Variants in PDSS2 observed in about 807,000 individuals in gnomAD.
The protein encoded by PDSS2 is decaprenyl diphosphate synthase subunit 2.
PDSS2 carries 31 observed loss-of-function variants against 44.5 expected under a neutral mutation model. That is an observed-to-expected ratio of 0.70 (90% CI 0.52 to 0.94). The LOEUF is 0.94. Among genes scored for constraint, PDSS2 ranks in the 40% least tolerant of loss-of-function variants. The pLI, the probability that PDSS2 is intolerant of heterozygous loss-of-function variation, is 0.00. For missense variants in PDSS2, 452 were observed against 482.2 expected (o/e 0.94, Z 0.59); for synonymous variants, 157 against 180.3 (o/e 0.87, Z 1.03).
intron 1 of PDSS2, among the ~76,000 whole-genome samples, chr6:107,335,197 C>T (rs1406505337): frequency 2.0e-5 from 3 of 149,124 alleles, no homozygotes; most frequent in African/African-American, 4.9e-5. Context: ...GACAATCTCA[C>T]ATTTGAGGCT....
intron 1 of PDSS2, among the ~76,000 whole-genome samples, chr6:107,450,175 T>G (rs958037532): frequency 3.9e-5 from 6 of 152,210 alleles, no homozygotes; most frequent in Non-Finnish European, 8.8e-5. Flanking sequence ...GTATCAGTGG[T>G]TCATTTCTTT....
intron 3 of PDSS2, among the ~76,000 whole-genome samples, chr6:107,246,893 A>G (rs1774636266): frequency 6.6e-6 from 1 of 152,192 alleles, no homozygotes. Flanking sequence ...ATTGTCCTTC[A>G]GGTAACCAAA....
chr6:107,190,627 C>G (rs1051908679), intron 7 of PDSS2, among the ~76,000 whole-genome samples: 3 of 152,168 alleles, frequency 2.0e-5, no homozygotes, highest in South Asian at 2.1e-4. Flanking sequence ...TGGGAAACCA[C>G]AGAGGATTTG....
At chr6:107,267,879 C>T (rs1283886996) in intron 3 of PDSS2, among the ~76,000 whole-genome samples, 1 of 152,052 alleles carries the variant, frequency 6.6e-6, no homozygotes, top group East Asian at 1.9e-4. Flanking sequence ...AGGCATGAGC[C>T]ACCATGCCTG....
intron 2 of PDSS2, among the ~76,000 whole-genome samples, chr6:107,320,071 AAC>A (rs1777334112): frequency 6.6e-6 from 1 of 152,216 alleles, no homozygotes; most frequent in African/African-American, 2.4e-5. Context: ...CTTCATTGGG[AAC>A]ACAGTCGTTT....
At chr6:107,386,649 A>C (rs1779620602) in intron 1 of PDSS2, among the ~76,000 whole-genome samples, 3 of 152,218 alleles carry the variant, frequency 2.0e-5, no homozygotes, top group South Asian at 4.1e-4. Flanking sequence ...GAAGTTAAAT[A>C]ATTTGCCCCA....
chr6:107,318,245 C>T (rs956732699), intron 2 of PDSS2, among the ~76,000 whole-genome samples: 4 of 151,846 alleles, frequency 2.6e-5, no homozygotes, highest in Non-Finnish European at 5.9e-5. Context: ...TCTCCTTGAC[C>T]GCCCCGCTTC....
At chr6:107,336,825 GGTGTGTGTGTGTGTGTGTGTGTGTGT>G (rs370135734) in intron 1 of PDSS2, among the ~76,000 whole-genome samples, 113 of 106,542 alleles carry the variant, frequency 1.1e-3, no homozygotes, top group Non-Finnish European at 1.6e-3. Flanking sequence ...AGAGGTGTGT[GGTGTGTGTGTGTGTGTGTGTGTGTGT>G]GTGTGTGTGT....
chr6:107,339,606 G>A (rs2115276963), intron 1 of PDSS2, among the ~76,000 whole-genome samples: 1 of 152,290 alleles, frequency 6.6e-6, no homozygotes, highest in African/African-American at 2.4e-5. Context: ...GGGAAAAAGA[G>A]CAAGAGTGCC....
intron 1 of PDSS2, among the ~76,000 whole-genome samples, chr6:107,390,654 A>G (rs971041889): frequency 6.6e-6 from 1 of 152,150 alleles, no homozygotes. Context: ...CAAATGTAAC[A>G]TGATTATATC....
intron 4 of PDSS2, among the ~76,000 whole-genome samples, chr6:107,215,756 T>C (rs2114654087): frequency 6.6e-6 from 1 of 152,312 alleles, no homozygotes; most frequent in South Asian, 2.1e-4. Flanking sequence ...TTGTATTAAC[T>C]ATAGCTTTCA....
intron 2 of PDSS2, among the ~76,000 whole-genome samples, chr6:107,274,847 A>G (rs60062501): frequency 0.037 from 5,583 of 151,772 alleles, 274 homozygotes; most frequent in East Asian, 0.19. Context: ...TAACTTTTGT[A>G]TTTTTGGTAG....
chr6:107,174,170 C>T (rs1393624943), intron 7 of PDSS2, among the ~76,000 whole-genome samples: 1 of 152,132 alleles, frequency 6.6e-6, no homozygotes, highest in African/African-American at 2.4e-5. Context: ...GATTTGGAAA[C>T]ATGTCACCTA....
At chr6:107,176,278 G>A (rs1468134229) in intron 7 of PDSS2, among the ~76,000 whole-genome samples, 1 of 152,068 alleles carries the variant, frequency 6.6e-6, no homozygotes, top group African/African-American at 2.4e-5. Context: ...CCGACCTCAG[G>A]TGATCTGCCG....
chr6:107,370,192 C>T (rs1779088662), intron 1 of PDSS2, among the ~76,000 whole-genome samples: 2 of 152,268 alleles, frequency 1.3e-5, no homozygotes, highest in Non-Finnish European at 2.9e-5. Flanking sequence ...CTGGATTATG[C>T]TCAAGAGTTT....
intron 6 of PDSS2, among the ~76,000 whole-genome samples, chr6:107,210,117 A>C (rs1773146808): frequency 6.6e-6 from 1 of 152,192 alleles, no homozygotes; most frequent in African/African-American, 2.4e-5. Context: ...AGTCAGTTAT[A>C]GGGTGGTGCT....
At chr6:107,391,719 T>C (rs765982186) in intron 1 of PDSS2, among the ~76,000 whole-genome samples, 1 of 152,170 alleles carries the variant, frequency 6.6e-6, no homozygotes, top group Non-Finnish European at 1.5e-5. Flanking sequence ...ATACATATTA[T>C]AACTGAACCT....
At chr6:107,211,714 G>A (rs1773221696) in intron 5 of PDSS2, among the ~76,000 whole-genome samples, 1 of 136,672 alleles carries the variant, frequency 7.3e-6, no homozygotes, top group Admixed American at 7.9e-5. Context: ...CAGCCTGGGT[G>A]ACAGAGCGAG....
chr6:107,372,598 C>A (rs1779160458), intron 1 of PDSS2, among the ~76,000 whole-genome samples: 1 of 151,746 alleles, frequency 6.6e-6, no homozygotes, highest in South Asian at 2.1e-4. Flanking sequence ...ACTACAGGCG[C>A]CCGCCACCAC....
Sources: allele counts gnomAD v4.1 joint callset (sites outside exome capture counted in the v4.1 genomes callset), GRCh38; gene constraint gnomAD v4.1.1; transcripts MANE v1.5; gene names NCBI Gene and HGNC (gene_info 2026-07-23, HGNC 2026-07-21).